The following DECR1 variants were observed in gnomAD, a reference collection of about 807,000 sequenced individuals.
DECR1 encodes the protein 2,4-dienoyl-CoA reductase [(3E)-enoyl-CoA-producing], mitochondrial.
In DECR1, 44 loss-of-function variants were observed where a neutral mutation model predicts 38.8. The observed-to-expected ratio is 1.13, with a 90% CI of 0.89 to 1.46. DECR1 has a LOEUF of 1.46. Among genes scored for constraint, DECR1 ranks in the 40% most tolerant of loss-of-function variants. DECR1 has a pLI of 0.00. For missense variants in DECR1, 428 were observed against 405.5 expected (o/e 1.06, Z -0.48); for synonymous variants, 148 against 135.2 (o/e 1.09, Z -0.66).
chr8:90,023,062 T>C (rs1292109175), intron 5 of DECR1, among the ~76,000 whole-genome samples: 1 of 152,184 alleles, frequency 6.6e-6, no homozygotes, highest in Non-Finnish European at 1.5e-5. Flanking sequence ...CGGTAAAGGA[T>C]TTGTTCTGGT....
intron 8 of DECR1, among the ~76,000 whole-genome samples, chr8:90,045,971 C>T (rs1813889668): frequency 6.6e-6 from 1 of 152,202 alleles, no homozygotes; most frequent in South Asian, 2.1e-4. Flanking sequence ...AGCTCAGGGT[C>T]CTGACTGTTA....
intron 1 of DECR1, among the ~76,000 whole-genome samples, chr8:90,013,084 C>G (rs1812925825): frequency 6.6e-6 from 1 of 152,132 alleles, no homozygotes; most frequent in African/African-American, 2.4e-5. Context: ...ATGCCATGCT[C>G]AAGAGTTTGA....
Position 90,042,779 on chromosome 8 carries a change from A to G in DECR1, c.717A>G (p.Gln239=). The G allele has an allele frequency of 1.2e-6, 2 of 1,613,622 alleles. No homozygotes were observed. Among genetic ancestry groups the G allele is most frequent in the Non-Finnish European group, 1.7e-6 (2 of 1,179,646 alleles). ...GKYGMRFNVI[Q]PGPIKTKGAF... ...ATGGAATGCGATTCAATGTGATTCA[A>G]CCAGGGCCTATAAAAACCAAAGTAA... Residue 239 remains glutamine (Q), a synonymous_variant, in exon 7 of 10, where the codon CAA becomes CAG. Transcript: ENST00000220764.
At chr8:90,031,312 G>T (rs1426805757) in intron 5 of DECR1, among the ~76,000 whole-genome samples, 1 of 152,118 alleles carries the variant, frequency 6.6e-6, no homozygotes, top group Non-Finnish European at 1.5e-5. Context: ...AGTTATGAAA[G>T]AAAATGTTAA....
chr8:90,023,668 T>C (rs1813222172), intron 5 of DECR1, among the ~76,000 whole-genome samples: 1 of 152,084 alleles, frequency 6.6e-6, no homozygotes, highest in South Asian at 2.1e-4. Flanking sequence ...TTTTCATAAA[T>C]ATCCTTCATC....
intron 5 of DECR1, among the ~76,000 whole-genome samples, chr8:90,021,807 A>G (rs1201000156): frequency 1.3e-5 from 2 of 152,202 alleles, no homozygotes; most frequent in East Asian, 1.9e-4. Context: ...TGATAATACC[A>G]ATGAGATTAA....
At chr8:90,029,650 A>G (rs1188267158) in intron 5 of DECR1, among the ~76,000 whole-genome samples, 1 of 152,212 alleles carries the variant, frequency 6.6e-6, no homozygotes, top group Non-Finnish European at 1.5e-5. Context: ...AAATTATCAG[A>G]AAACACAAGA....
chr8:90,038,370 T>C (rs1813666139), intron 6 of DECR1, among the ~76,000 whole-genome samples: 1 of 151,922 alleles, frequency 6.6e-6, no homozygotes, highest in South Asian at 2.1e-4. Flanking sequence ...TCCAATCTAG[T>C]GAGAGGACAA....
At chr8:90,047,739 T>A (rs1428953356) in intron 8 of DECR1, among the ~76,000 whole-genome samples, 4 of 152,170 alleles carry the variant, frequency 2.6e-5, no homozygotes, top group African/African-American at 9.6e-5. Context: ...ATATTCTTTT[T>A]AGCACCACAT....
chr8:90,008,005 A>T (rs1812787525), intron 1 of DECR1, among the ~76,000 whole-genome samples: 1 of 152,222 alleles, frequency 6.6e-6, no homozygotes, highest in South Asian at 2.1e-4. Flanking sequence ...ATAGAACTGT[A>T]GGCTTTCATA....
chr8:90,007,826 T>C (rs138746928), intron 1 of DECR1, among the ~76,000 whole-genome samples: 1 of 152,248 alleles, frequency 6.6e-6, no homozygotes, highest in East Asian at 1.9e-4. Flanking sequence ...AGGTAGAAAA[T>C]GATCAGCATT....
chr8:90,013,163 T>C (rs1414290020), intron 1 of DECR1, among the ~76,000 whole-genome samples: 1 of 152,176 alleles, frequency 6.6e-6, no homozygotes, highest in African/African-American at 2.4e-5. Context: ...GGAGGACCCA[T>C]CCATAGTGAT....
chr8:90,007,127 T>C (rs566949799), intron 1 of DECR1, among the ~76,000 whole-genome samples: 19 of 152,150 alleles, frequency 1.2e-4, no homozygotes, highest in Non-Finnish European at 2.2e-4. Context: ...TGGGTGATGA[T>C]AGGGAGCAAT....
chr8:90,005,255 T>C, intron 1 of DECR1: 1 of 447,928 alleles, frequency 2.2e-6, no homozygotes, highest in Non-Finnish European at 4.5e-6. Flanking sequence ...GGGCTTTTCT[T>C]ATTTATGTAG....
At chr8:90,003,926 A>G (rs1812680134) in intron 1 of DECR1, among the ~76,000 whole-genome samples, 1 of 151,820 alleles carries the variant, frequency 6.6e-6, no homozygotes, top group Non-Finnish European at 1.5e-5. Flanking sequence ...CGATAGAGTG[A>G]GTGAGACTCC....
In DECR1 at chr8:90,036,773, A is replaced by T. The variant is rs925392466; in HGVS notation, c.566-68A>T. On this transcript the variant is annotated intron_variant, in intron 5 of 9. Coordinates refer to ENST00000220764, the MANE Select transcript of DECR1 (RefSeq NM_001359.2). The stretch of plus-strand genomic sequence containing the variant: ...CTTTAATCAGATCCCATTTTTATAA[A>T]TAATGTTTTCCTTATGTGTAGTGAT... The T allele has an allele frequency of 8.0e-5, 81 of 1,014,876 alleles. 1 individual carries two copies. The African/African-American group carries it at 1.2e-3, about 15-fold the overall frequency. The allele number at this position is 1,014,876 out of a possible 1,614,324, so 62.9% of individuals were successfully genotyped here. A position where few individuals can be genotyped will look rare whatever the true frequency, so the allele number is the denominator to read the frequency against.
At chr8:90,014,554 A>G (rs1045690154) in intron 1 of DECR1, among the ~76,000 whole-genome samples, 1 of 152,194 alleles carries the variant, frequency 6.6e-6, no homozygotes, top group Non-Finnish European at 1.5e-5. Context: ...AACCTGTTAC[A>G]TTATGGACAC....
At chr8:90,043,350 G>A (rs1243994758) in intron 7 of DECR1, among the ~76,000 whole-genome samples, 1 of 152,100 alleles carries the variant, frequency 6.6e-6, no homozygotes, top group Non-Finnish European at 1.5e-5. Context: ...TGACAGCATA[G>A]ATTTCACCTA....
At chr8:90,030,121 C>T (rs1426772691) in intron 5 of DECR1, among the ~76,000 whole-genome samples, 1 of 152,050 alleles carries the variant, frequency 6.6e-6, no homozygotes, top group Non-Finnish European at 1.5e-5. Context: ...AAGCTAGATT[C>T]CTTGCATGTG....
Sources: gnomAD v4.1 joint callset for allele counts (sites outside exome capture counted in the v4.1 genomes callset) on GRCh38, gnomAD v4.1.1 for gene constraint, MANE v1.5 for transcripts, NCBI Gene and HGNC (gene_info 2026-07-23, HGNC 2026-07-21) for gene names.